Variants in SYT16 observed in about 807,000 individuals in gnomAD.
SYT16 encodes the protein synaptotagmin-16.
In SYT16, 42 loss-of-function variants were observed where a neutral mutation model predicts 61.4. The ratio of observed to expected loss-of-function variants is 0.68; its 90% CI spans 0.53 to 0.89. The LOEUF (loss-of-function observed/expected upper bound fraction) is 0.89. Among genes scored for constraint, SYT16 ranks in the 40% least tolerant of loss-of-function variants. The pLI is 0.00. For synonymous variants in SYT16, 314 were observed against 302.3 expected (o/e 1.04, Z -0.40); for missense variants, 804 against 807.3 (o/e 1.00, Z 0.05).
At chr14:61,980,976 G>GT (rs397692446) in intron 2 of SYT16, among the ~76,000 whole-genome samples, 1 of 151,286 alleles carries the variant, frequency 6.6e-6, no homozygotes, top group African/African-American at 2.4e-5. Flanking sequence ...GTGTGTGTGT[G>GT]GTTGTGTGTA....
In SYT16 at chr14:61,996,411, G is replaced by A. The variant is rs17099370; in HGVS notation, c.392G>A (p.Arg131His). The A allele has an allele frequency of 1.1e-5, 18 of 1,613,204 alleles. No homozygotes were observed. The highest frequency in any genetic ancestry group is 5.0e-5 in the Admixed American group (3 of 59,918). ...SQWPNWASDD[R>H]KLPHVLSSIA... ...TGGCCCAATTGGGCCAGTGATGACC[G>A]CAAGTTACCACATGTGCTTTCTTCT... The change falls in exon 3 of 8, where the codon CGC (arginine) becomes CAC (histidine). Residue 131 changes from arginine to histidine, a missense_variant. Transcript: ENST00000683842.
intron 1 of SYT16, among the ~76,000 whole-genome samples, chr14:61,893,653 A>T (rs1488510474): frequency 9.9e-5 from 15 of 152,238 alleles, no homozygotes; most frequent in Non-Finnish European, 2.2e-4. Flanking sequence ...TCAGCAAATC[A>T]GTGGTACATC....
In SYT16 at chr14:62,084,386, G is replaced by A. The variant is rs752956350; in HGVS notation, c.1624+1G>A. 2 of 1,611,088 alleles carry A rather than the reference G, an allele frequency of 1.2e-6. No homozygotes were observed. The highest frequency in any genetic ancestry group is 2.2e-5 in the South Asian group (2 of 90,878). On this transcript the variant is annotated splice_donor_variant, in intron 7 of 7. Transcript: ENST00000683842. LOFTEE classifies it high-confidence loss of function. ...AACCTCGCTGTTAACCGAGCACCTG[G>A]TAAGTGTGAGTCTGTTCTCCCAGCT...
intron 1 of SYT16, among the ~76,000 whole-genome samples, chr14:61,917,155 C>T (rs532012357): frequency 1.3e-5 from 2 of 152,122 alleles, no homozygotes; most frequent in African/African-American, 2.4e-5. Flanking sequence ...TTTTGAAGAA[C>T]CTCCATAATG....
chr14:61,888,320 A>G (rs1182757478), intron 1 of SYT16, among the ~76,000 whole-genome samples: 2 of 151,796 alleles, frequency 1.3e-5, no homozygotes, highest in Non-Finnish European at 1.5e-5. Context: ...GTTTTGCCAT[A>G]TTGGCCAGGC....
intron 7 of SYT16, among the ~76,000 whole-genome samples, chr14:62,094,743 C>G (rs1452454483): frequency 2.0e-5 from 3 of 151,850 alleles, no homozygotes; most frequent in African/African-American, 7.3e-5. Flanking sequence ...CATTGGAAGA[C>G]AAGGTAGTAA....
intron 1 of SYT16, among the ~76,000 whole-genome samples, chr14:61,919,510 C>T (rs939459078): frequency 5.3e-5 from 8 of 152,192 alleles, no homozygotes; most frequent in African/African-American, 1.4e-4. Flanking sequence ...CCATTTCTGG[C>T]TTCTAGAGGC....
chr14:61,852,411 G>C (rs190140853), intron 1 of SYT16, among the ~76,000 whole-genome samples: 188 of 152,030 alleles, frequency 1.2e-3, no homozygotes, highest in African/African-American at 4.3e-3. Flanking sequence ...GGCTCTTTTT[G>C]GTTCCATTTG....
At chr14:61,949,563 T>G (rs1000472578) in intron 1 of SYT16, among the ~76,000 whole-genome samples, 7 of 152,192 alleles carry the variant, frequency 4.6e-5, no homozygotes, top group African/African-American at 1.7e-4. Context: ...TCAAAGTGAT[T>G]CTTCCACCTC....
Position 62,074,993 on chromosome 14 carries a change from TAGAA to T in SYT16, c.737-141_737-138del, listed in dbSNP as rs1289431690. ...GGATCAAGTTTCTTCACTGTATGGA[TAGAA>T]TTATGTTTCTGCAGGTATTATTGGT... On this transcript the variant is annotated intron_variant, in intron 4 of 7. Coordinates refer to ENST00000683842, the MANE Select transcript of SYT16 (RefSeq NM_001367656.1). 6.8e-6 allele frequency: 6 copies of T among 878,974 alleles called. No individual in the cohort carries two copies. In the African/African-American group the frequency reaches 1.0e-4, roughly 15 times the overall value. 54.4% of individuals were successfully genotyped at this position (878,974 alleles called of 1,614,324 possible). A position where few individuals can be genotyped will look rare whatever the true frequency, so the allele number is the denominator to read the frequency against.
chr14:62,007,689 CCTTA>C (rs2053278526), intron 3 of SYT16, among the ~76,000 whole-genome samples: 1 of 151,982 alleles, frequency 6.6e-6, no homozygotes, highest in Non-Finnish European at 1.5e-5. Context: ...ACAATTCAAT[CCTTA>C]CTTTGACTTC....
intron 1 of SYT16, among the ~76,000 whole-genome samples, chr14:61,850,116 T>C (rs939433568): frequency 1.3e-5 from 2 of 152,056 alleles, no homozygotes; most frequent in African/African-American, 2.4e-5. Flanking sequence ...TGGTTTTAAT[T>C]TGCATTTTTT....
At chr14:61,863,815 T>A (rs974461515) in intron 1 of SYT16, among the ~76,000 whole-genome samples, 104 of 135,598 alleles carry the variant, frequency 7.7e-4, no homozygotes, top group African/African-American at 3.4e-3. Context: ...TCTAGATTCA[T>A]TTTTTTTTTG....
intron 1 of SYT16, among the ~76,000 whole-genome samples, chr14:61,815,534 T>TA (rs2045401154): frequency 1.3e-5 from 2 of 152,190 alleles, no homozygotes; most frequent in African/African-American, 4.8e-5. Flanking sequence ...GTAAATTATA[T>TA]AAAATATGGA....
At position 62,069,779 on chromosome 14, in the gene SYT16, C is replaced by T. The variant is rs1160100683; in HGVS notation, c.700C>T (p.His234Tyr). The change falls in exon 4 of 8, where the codon CAC becomes TAC. Residue 234 changes from histidine to tyrosine, a missense_variant. His to Tyr is a moderately conservative substitution (Grantham distance 83). Coordinates refer to ENST00000683842, the MANE Select transcript of SYT16 (RefSeq NM_001367656.1). ...KPKFSRSLLT[H>Y]GEDGTEVSAC... ...AAAATTCAGCCGTTCGTTGTTGACACACGGAGAAGATGGCACAGAAGTATC... is the reference window on the plus strand; with the variant it reads ...AAAATTCAGCCGTTCGTTGTTGACATACGGAGAAGATGGCACAGAAGTATC... 1 of 1,614,044 alleles carries T rather than the reference C, an allele frequency of 6.2e-7. No homozygotes were observed. The highest frequency in any genetic ancestry group is 1.1e-5 in the South Asian group (1 of 91,084).
intron 1 of SYT16, among the ~76,000 whole-genome samples, chr14:61,949,576 C>T (rs1000629036): frequency 6.6e-6 from 1 of 152,188 alleles, no homozygotes; most frequent in African/African-American, 2.4e-5. Flanking sequence ...TCCACCTCAG[C>T]TTCCTGAGTA....
chr14:62,031,918 G>A (rs2054322226), intron 3 of SYT16, among the ~76,000 whole-genome samples: 1 of 152,078 alleles, frequency 6.6e-6, no homozygotes. Flanking sequence ...AGAGACGATG[G>A]ACTTCATCTG....
intron 3 of SYT16, among the ~76,000 whole-genome samples, chr14:62,014,630 C>T (rs10148416): frequency 0.45 from 68,220 of 151,152 alleles, 15,762 homozygotes; most frequent in East Asian, 0.7. Flanking sequence ...GACGGGGTTT[C>T]ACCATGTTGG....
intron 3 of SYT16, among the ~76,000 whole-genome samples, chr14:62,056,648 C>A (rs936756445): frequency 2.6e-5 from 4 of 152,168 alleles, no homozygotes; most frequent in African/African-American, 9.7e-5. Flanking sequence ...ACATAAGAAA[C>A]GGGTTTCTCT....
Sources: allele counts gnomAD v4.1 joint callset (sites outside exome capture counted in the v4.1 genomes callset), GRCh38; gene constraint gnomAD v4.1.1; transcripts MANE v1.5; gene names NCBI Gene and HGNC (gene_info 2026-07-23, HGNC 2026-07-21).